MALRD1: variants seen among roughly 807,000 people sequenced by gnomAD.
The protein encoded by MALRD1 is MAM and LDL receptor class A domain containing 1, also known as MAM and LDL-receptor class A domain-containing protein 1.
A neutral mutation model predicts 242.1 loss-of-function variants in MALRD1; 247 were observed. That is an observed-to-expected ratio of 1.02 (90% CI 0.92 to 1.13). The LOEUF (loss-of-function observed/expected upper bound fraction) is 1.13, where lower values mean the gene tolerates loss of function less well. MALRD1 is among the 50% of genes most tolerant of loss of function. The probability of loss-of-function intolerance (pLI) is 0.00; values close to 1 mark genes in which losing one functional copy is unlikely to be tolerated. For missense variants in MALRD1, 2,989 were observed against 2,533.1 expected (o/e 1.18, Z -3.86); for synonymous variants, 995 against 866.6 (o/e 1.15, Z -2.60).
Position 19,729,721 on chromosome 10 carries a change from C to CTTTTTTT in MALRD1, c.6315-958_6315-952dup, listed in dbSNP as rs35279728. 2.2e-3 allele frequency among the ~76,000 whole-genome samples: 90 copies of CTTTTTTT among 40,714 alleles called. 5 individuals carry two copies. The highest frequency in any genetic ancestry group is 2.4e-3 in the Admixed American group (5 of 2,122). 26.7% of individuals were successfully genotyped at this position (40,714 alleles called of 152,430 possible). On this transcript the variant is annotated intron_variant, in intron 38 of 39. Coordinates refer to ENST00000454679, the MANE Select transcript of MALRD1 (RefSeq NM_001142308.3). Reference sequence around the variant, plus strand: ...GTGTCTTCTAATAAGTCTATTAATTCTTTTTTTTTTTTTTTTTTTTTTTTT... The same window carrying CTTTTTTT: ...GTGTCTTCTAATAAGTCTATTAATTCTTTTTTTTTTTTTTTTTTTTTTTTTTTTTTTT...
chr10:19,221,345 A>G (rs915106358), intron 18 of MALRD1, among the ~76,000 whole-genome samples: 1 of 152,082 alleles, frequency 6.6e-6, no homozygotes, highest in Non-Finnish European at 1.5e-5. Context: ...TTCATGGAAC[A>G]TTTTTCTTCC....
chr10:19,336,313 A>G (rs531608185), intron 24 of MALRD1, among the ~76,000 whole-genome samples: 1 of 152,248 alleles, frequency 6.6e-6, no homozygotes, highest in Non-Finnish European at 1.5e-5. Flanking sequence ...TTATTTACGG[A>G]TGAGACACAA....
At chr10:19,059,577 A>G (rs1186800949) in intron 1 of MALRD1, among the ~76,000 whole-genome samples, 2 of 152,018 alleles carry the variant, frequency 1.3e-5, no homozygotes, top group Non-Finnish European at 2.9e-5. Flanking sequence ...TTCTTAGTAG[A>G]GATGGAGTTT....
intron 22 of MALRD1, among the ~76,000 whole-genome samples, chr10:19,325,540 T>G (rs1261762518): frequency 6.6e-6 from 1 of 152,036 alleles, no homozygotes; most frequent in Non-Finnish European, 1.5e-5. Context: ...TGCATAAAGT[T>G]CGTGAGTAAT....
chr10:19,103,103 C>G (rs545218189), intron 4 of MALRD1, among the ~76,000 whole-genome samples: 1 of 151,888 alleles, frequency 6.6e-6, no homozygotes, highest in South Asian at 2.1e-4. Context: ...CCTGCCTCAG[C>G]CTCCCAAAGT....
chr10:19,241,422 C>T (rs1838766837), intron 18 of MALRD1, among the ~76,000 whole-genome samples: 1 of 151,908 alleles, frequency 6.6e-6, no homozygotes, highest in Admixed American at 6.6e-5. Flanking sequence ...GTTGTAATGT[C>T]TCCTTTTTCA....
chr10:19,262,066 C>G (rs1024189855), intron 19 of MALRD1, among the ~76,000 whole-genome samples: 1 of 152,126 alleles, frequency 6.6e-6, no homozygotes, highest in African/African-American at 2.4e-5. Context: ...AAAATGTCAT[C>G]ATTTGCTCTT....
At chr10:19,270,230 C>T (rs1267017373) in intron 19 of MALRD1, among the ~76,000 whole-genome samples, 5 of 151,982 alleles carry the variant, frequency 3.3e-5, no homozygotes, top group African/African-American at 4.8e-5. Context: ...GCACAAGAAT[C>T]GCTTGAACTG....
intron 28 of MALRD1, among the ~76,000 whole-genome samples, chr10:19,435,362 G>A (rs1407177003): frequency 6.6e-6 from 1 of 152,030 alleles, no homozygotes; most frequent in African/African-American, 2.4e-5. Context: ...ATTGTCCGCT[G>A]TTAGTAACTG....
intron 28 of MALRD1, among the ~76,000 whole-genome samples, chr10:19,420,487 C>G (rs1484114626): frequency 6.6e-6 from 1 of 151,980 alleles, no homozygotes; most frequent in African/African-American, 2.4e-5. Context: ...CATGGAATCA[C>G]TATTCCCTAC....
intron 21 of MALRD1, among the ~76,000 whole-genome samples, chr10:19,310,861 AG>A (rs1842397507): frequency 6.6e-6 from 1 of 151,404 alleles, no homozygotes; most frequent in Non-Finnish European, 1.5e-5. Flanking sequence ...TCTATATTAC[AG>A]TGCATGTCCC....
At chr10:19,311,488 A>G (rs922968285) in intron 21 of MALRD1, among the ~76,000 whole-genome samples, 2 of 151,488 alleles carry the variant, frequency 1.3e-5, no homozygotes, top group African/African-American at 4.8e-5. Flanking sequence ...AACTGAAAGT[A>G]TTCTAGTGAC....
At chr10:19,292,043 A>G (rs999138924) in intron 21 of MALRD1, among the ~76,000 whole-genome samples, 1 of 143,732 alleles carries the variant, frequency 7.0e-6, no homozygotes, top group South Asian at 2.3e-4. Context: ...AGATGGTGCC[A>G]CTGCACTCCA....
intron 36 of MALRD1, among the ~76,000 whole-genome samples, chr10:19,636,200 T>C (rs1037423066): frequency 6.6e-6 from 1 of 152,184 alleles, no homozygotes; most frequent in African/African-American, 2.4e-5. Context: ...AAGAAAATAC[T>C]AAGGCAAATT....
intron 38 of MALRD1, chr10:19,722,166 A>G (rs1399475209): frequency 1.3e-5 from 2 of 152,206 alleles, no homozygotes; most frequent in East Asian, 1.9e-4. Flanking sequence ...GAAACCAGAC[A>G]TGTTCCTTAT....
At chr10:19,062,961 C>T (rs774372355) in intron 1 of MALRD1, among the ~76,000 whole-genome samples, 155 of 152,044 alleles carry the variant, frequency 1.0e-3, no homozygotes, top group Admixed American at 7.2e-4. Context: ...GCCTGAGTAA[C>T]ATGGCAAAAC....
chr10:19,483,449 G>A (rs570443207), intron 29 of MALRD1, among the ~76,000 whole-genome samples: 41 of 151,878 alleles, frequency 2.7e-4, no homozygotes, highest in Non-Finnish European at 5.0e-4. Context: ...AACTGAAGTT[G>A]ATAAGCAAAA....
At chr10:19,570,684 G>A (rs1333484041) in intron 33 of MALRD1, among the ~76,000 whole-genome samples, 1 of 151,958 alleles carries the variant, frequency 6.6e-6, no homozygotes, top group Non-Finnish European at 1.5e-5. Context: ...GTTGTTAAGT[G>A]TAGAAAATGG....
intron 30 of MALRD1, 125 bp downstream of exon 30, chr10:19,491,770 A>T: frequency 2.9e-6 from 3 of 1,030,758 alleles, no homozygotes; most frequent in East Asian, 2.8e-5. Flanking sequence ...TAGATTTAGA[A>T]TAGCCCAAAT....
Sources: gnomAD v4.1 joint callset for allele counts (sites outside exome capture counted in the v4.1 genomes callset) on GRCh38, gnomAD v4.1.1 for gene constraint, MANE v1.5 for transcripts, NCBI Gene and HGNC (gene_info 2026-07-23, HGNC 2026-07-21) for gene names.